Variants in LAMA2 observed in about 807,000 individuals in gnomAD.
LAMA2 encodes the protein laminin subunit alpha 2.
In LAMA2, 269 loss-of-function variants were observed where a neutral mutation model predicts 364.8. The observed-to-expected ratio is 0.74, with a 90% CI of 0.67 to 0.82. The LOEUF (loss-of-function observed/expected upper bound fraction) is 0.82. Among genes scored for constraint, LAMA2 ranks in the 40% least tolerant of loss-of-function variants. The probability of loss-of-function intolerance (pLI) is 0.00; values close to 1 mark genes in which losing one functional copy is unlikely to be tolerated. For missense variants in LAMA2, 3,807 were observed against 3,873.2 expected (o/e 0.98, Z 0.45); for synonymous variants, 1,379 against 1,370.6 (o/e 1.01, Z -0.14).
At chr6:129,212,774 TAATAA>T (rs1783183508) in intron 12 of LAMA2, among the ~76,000 whole-genome samples, 1 of 152,240 alleles carries the variant, frequency 6.6e-6, no homozygotes, top group African/African-American at 2.4e-5. Flanking sequence ...CCTTTCAAGA[TAATAA>T]AATAAACAGA....
chr6:129,337,703 A>C (rs574035905), intron 29 of LAMA2, among the ~76,000 whole-genome samples: 4 of 152,124 alleles, frequency 2.6e-5, no homozygotes, highest in Non-Finnish European at 5.9e-5. Flanking sequence ...ATTTTGTAGA[A>C]GGAATATATA....
At chr6:129,105,049 A>G (rs1427407899) in intron 4 of LAMA2, among the ~76,000 whole-genome samples, 1 of 152,168 alleles carries the variant, frequency 6.6e-6, no homozygotes. Context: ...AAAAGCCTTA[A>G]AACAGTTTTA....
At chr6:129,040,539 G>A (rs984331526) in intron 1 of LAMA2, among the ~76,000 whole-genome samples, 2 of 152,138 alleles carry the variant, frequency 1.3e-5, no homozygotes, top group Admixed American at 6.5e-5. Flanking sequence ...TCAGGCAAGA[G>A]GATCACTTGA....
intron 45 of LAMA2, among the ~76,000 whole-genome samples, 154 bp from the exon 46 acceptor site, chr6:129,452,834 T>A (rs1296459561): frequency 2.0e-5 from 3 of 152,166 alleles, no homozygotes; most frequent in African/African-American, 7.2e-5. Context: ...TTAATGAGTA[T>A]AATGGTGTCT....
intron 20 of LAMA2, among the ~76,000 whole-genome samples, chr6:129,291,940 T>A (rs1789730395): frequency 6.6e-6 from 1 of 152,182 alleles, no homozygotes; most frequent in South Asian, 2.1e-4. Context: ...TGGCAGTGAA[T>A]GTGTATTATA....
rs372576669 is a variant in LAMA2, at chr6:129,349,317, G to A, written c.4456G>A (p.Ala1486Thr). The A allele has an allele frequency of 6.0e-5, 97 of 1,613,188 alleles. No individual in the cohort carries two copies. Among genetic ancestry groups the A allele is most frequent in the South Asian group, 1.2e-4 (11 of 91,056 alleles). ...SSNNFSPSCV[A>T]EGLDDYRCTA... Reference sequence around the variant, plus strand: ...ATTCAGTTTCAGCCCCTCTTGTGTCGCAGAAGGACTTGACGACTACCGCTG... The same window carrying A: ...ATTCAGTTTCAGCCCCTCTTGTGTCACAGAAGGACTTGACGACTACCGCTG... Residue 1486 changes from alanine (A) to threonine (T), a missense_variant, in exon 31 of 65, where the codon GCA becomes ACA. Around this residue, in one of 3 missense-constraint regions of LAMA2, gnomAD observed 3,333 missense variants for 3,345.7 expected, o/e 1.00. Coordinates refer to ENST00000421865, the MANE Select transcript of LAMA2 (RefSeq NM_000426.4).
At chr6:129,254,116 G>A (rs1027528981) in intron 14 of LAMA2, among the ~76,000 whole-genome samples, 1 of 152,164 alleles carries the variant, frequency 6.6e-6, no homozygotes. Context: ...TTGCACAGTA[G>A]GCTTTCGACT....
intron 34 of LAMA2, among the ~76,000 whole-genome samples, chr6:129,376,697 T>C (rs1778394263): frequency 6.6e-6 from 1 of 152,204 alleles, no homozygotes; most frequent in Admixed American, 6.5e-5. Context: ...TCCCTACATT[T>C]TGTTAATTTC....
At chr6:128,904,083 C>A (rs1035080748) in intron 1 of LAMA2, among the ~76,000 whole-genome samples, 1 of 152,278 alleles carries the variant, frequency 6.6e-6, no homozygotes, top group East Asian at 1.9e-4. Flanking sequence ...CAGGGACCAA[C>A]GCCCAGGACA....
intron 1 of LAMA2, among the ~76,000 whole-genome samples, chr6:128,910,703 G>A (rs1777860027): frequency 1.3e-5 from 2 of 152,158 alleles, no homozygotes; most frequent in South Asian, 4.1e-4. Flanking sequence ...TTTGGAGGAG[G>A]AGAGGCGCTC....
chr6:129,280,534 T>C (rs997235882), intron 18 of LAMA2, among the ~76,000 whole-genome samples: 8 of 152,310 alleles, frequency 5.3e-5, no homozygotes, highest in Admixed American at 2.0e-4. Context: ...CTTAAATGCA[T>C]AGTTCATAGT....
At chr6:129,114,840 A>G (rs1163742564) in intron 4 of LAMA2, among the ~76,000 whole-genome samples, 2 of 152,020 alleles carry the variant, frequency 1.3e-5, no homozygotes, top group Non-Finnish European at 2.9e-5. Flanking sequence ...AATCATGCCT[A>G]GGAGTTGAAA....
intron 22 of LAMA2, 86 bp from the exon 23 acceptor site, chr6:129,312,775 T>C: frequency 1.1e-6 from 1 of 911,848 alleles, no homozygotes; most frequent in Non-Finnish European, 1.8e-6. Flanking sequence ...ATGTGTTTAA[T>C]GGAAGCATAG....
intron 45 of LAMA2, among the ~76,000 whole-genome samples, chr6:129,448,947 G>A (rs989224124): frequency 3.9e-5 from 6 of 152,122 alleles, no homozygotes; most frequent in Admixed American, 2.0e-4. Context: ...TTCTTCTAGA[G>A]ATATAGTATT....
At chr6:129,332,737 T>C (rs1033098508) in intron 29 of LAMA2, among the ~76,000 whole-genome samples, 3 of 152,200 alleles carry the variant, frequency 2.0e-5, no homozygotes, top group Non-Finnish European at 2.9e-5. Context: ...TTACCTGTTT[T>C]GTTTCAACAT....
intron 38 of LAMA2, among the ~76,000 whole-genome samples, chr6:129,401,585 G>A (rs1206319144): frequency 1.3e-5 from 2 of 152,200 alleles, no homozygotes; most frequent in Admixed American, 1.3e-4. Context: ...TTTGTCCACA[G>A]CGATGAAGGA....
chr6:129,135,706 T>C (rs1212532389), intron 4 of LAMA2, among the ~76,000 whole-genome samples: 1 of 152,210 alleles, frequency 6.6e-6, no homozygotes, highest in African/African-American at 2.4e-5. Flanking sequence ...TTCTGGTGTT[T>C]TTCTCTAATG....
At chr6:128,955,431 C>T (rs1480984745) in intron 1 of LAMA2, among the ~76,000 whole-genome samples, 1 of 151,868 alleles carries the variant, frequency 6.6e-6, no homozygotes, top group Non-Finnish European at 1.5e-5. Context: ...CACTAGCCTA[C>T]ATGGCCATTG....
intron 40 of LAMA2, among the ~76,000 whole-genome samples, chr6:129,408,380 A>G (rs1170029724): frequency 6.6e-6 from 1 of 152,212 alleles, no homozygotes; most frequent in Non-Finnish European, 1.5e-5. Context: ...AAACATGATA[A>G]GACCAGTGAA....
Sources: gnomAD v4.1 joint callset for allele counts (sites outside exome capture counted in the v4.1 genomes callset) on GRCh38, gnomAD v4.1.1 for gene constraint, gnomAD v4.1.1 regional missense constraint, MANE v1.5 for transcripts, NCBI Gene and HGNC (gene_info 2026-07-23, HGNC 2026-07-21) for gene names.